PRDM16: variants seen among roughly 807,000 people sequenced by gnomAD.
PRDM16 encodes the protein histone-lysine N-methyltransferase PRDM16.
Under a neutral mutation model 110.6 loss-of-function variants are expected in PRDM16, and 23 were observed. That is an observed-to-expected ratio of 0.21 (90% CI 0.15 to 0.29). PRDM16 has a LOEUF of 0.29. Among genes scored for constraint, PRDM16 ranks in the 10% least tolerant of loss-of-function variants. PRDM16 has a pLI of 1.00. For missense variants in PRDM16, 1,615 were observed against 1,794.3 expected, an observed-to-expected ratio of 0.90 and a Z score of 1.81; for synonymous variants, 799 against 781.8, an observed-to-expected ratio of 1.02 and a Z score of -0.37.
chr1:3,423,420 G>A (rs964545040), intron 12 of PRDM16, among the ~76,000 whole-genome samples: 1 of 152,110 alleles, frequency 6.6e-6, no homozygotes, highest in African/African-American at 2.4e-5. Context: ...TTGATGGCAG[G>A]TCAGACTCCC....
intron 3 of PRDM16, among the ~76,000 whole-genome samples, chr1:3,328,484 G>T (rs545918486): frequency 6.6e-6 from 1 of 152,242 alleles, no homozygotes; most frequent in Admixed American, 6.5e-5. Context: ...TGGCAGCCGG[G>T]GCTCTTAGGA....
chr1:3,232,650 G>C (rs1029730072), intron 2 of PRDM16, among the ~76,000 whole-genome samples: 7 of 152,170 alleles, frequency 4.6e-5, no homozygotes, highest in South Asian at 2.1e-4. Flanking sequence ...AGGGCCAAGG[G>C]GGGTAGTGAC....
intron 1 of PRDM16, among the ~76,000 whole-genome samples, chr1:3,078,249 G>C (rs1421192904): frequency 6.6e-6 from 1 of 152,172 alleles, no homozygotes; most frequent in Non-Finnish European, 1.5e-5. Flanking sequence ...GACCTCTCCA[G>C]CTGCAGGATG....
chr1:3,078,391 G>A (rs572838260), intron 1 of PRDM16, among the ~76,000 whole-genome samples: 110 of 152,306 alleles, frequency 7.2e-4, no homozygotes, highest in Non-Finnish European at 1.3e-3. Flanking sequence ...GTGGTCCCTC[G>A]CCTGGGGGTC....
At chr1:3,131,015 C>T (rs565121279) in intron 1 of PRDM16, among the ~76,000 whole-genome samples, 100 of 152,070 alleles carry the variant, frequency 6.6e-4, no homozygotes, top group Non-Finnish European at 9.7e-4. Context: ...ACGTGCAGAC[C>T]GCGGGAGGGA....
At chr1:3,238,714 G>C (rs574090574) in intron 2 of PRDM16, among the ~76,000 whole-genome samples, 39 of 152,326 alleles carry the variant, frequency 2.6e-4, no homozygotes, top group South Asian at 1.5e-3. Context: ...CTTGGCCGTG[G>C]AGAGAGTCCT....
At chr1:3,212,618 A>C (rs11803063) in intron 2 of PRDM16, among the ~76,000 whole-genome samples, 35,929 of 121,968 alleles carry the variant, frequency 0.29, 7,207 homozygotes, top group African/African-American at 0.63. Flanking sequence ...CCCCTCGCTG[A>C]GGTCCTCCCG....
intron 1 of PRDM16, among the ~76,000 whole-genome samples, chr1:3,126,603 C>T (rs945748848): frequency 2.6e-5 from 4 of 152,142 alleles, no homozygotes. Flanking sequence ...CGTGCTTGAG[C>T]TCTGTGGTGG....
chr1:3,393,480 G>A (rs189206659), intron 4 of PRDM16, among the ~76,000 whole-genome samples: 55 of 152,340 alleles, frequency 3.6e-4, no homozygotes, highest in Admixed American at 1.2e-3. Context: ...AATGTGTAGG[G>A]AGCTGCAGTC....
At chr1:3,170,931 G>A (rs1644018217) in intron 1 of PRDM16, among the ~76,000 whole-genome samples, 1 of 152,288 alleles carries the variant, frequency 6.6e-6, no homozygotes, top group Admixed American at 6.5e-5. Context: ...AGCTCCCAGA[G>A]CTCGGGCTGA....
At chr1:3,154,223 G>A (rs1040213832) in intron 1 of PRDM16, among the ~76,000 whole-genome samples, 7 of 152,138 alleles carry the variant, frequency 4.6e-5, no homozygotes, top group Admixed American at 1.3e-4. Flanking sequence ...ATCCACCACC[G>A]TATCCCTAAG....
intron 4 of PRDM16, 42 bp downstream of exon 4, chr1:3,385,328 T>C (rs768329288): frequency 1.4e-5 from 23 of 1,605,608 alleles, no homozygotes; most frequent in Non-Finnish European, 2.0e-5. Context: ...CTCTTGGAAT[T>C]GTCCCTGAGG....
rs1642652950 is a variant in PRDM16 at position 3,358,472 on chromosome 1, G to A, written c.439-26680G>A. Among the ~76,000 whole-genome samples, 1 of 152,112 alleles carries A rather than the reference G, an allele frequency of 6.6e-6. No homozygotes were observed. The highest frequency in any genetic ancestry group is 2.4e-5 in the African/African-American group (1 of 41,422). On this transcript the variant is annotated intron_variant, in intron 3 of 16. Coordinates refer to ENST00000270722, the MANE Select transcript of PRDM16 (RefSeq NM_022114.4). This position sits in a 1 kb window ranked among gnomAD's most constrained non-coding sequence, Gnocchi z 4.0. ...TGTTGTCTCCAGAGGCAGCCGCTGC[G>A]CCCCAGACTCCCAGCCGCGGCTTCG...
At chr1:3,389,762 T>C (rs1051706346) in intron 4 of PRDM16, among the ~76,000 whole-genome samples, 2 of 152,158 alleles carry the variant, frequency 1.3e-5, no homozygotes, top group East Asian at 1.9e-4. Flanking sequence ...GAGCAAAACA[T>C]CCCTGCACAC....
intron 1 of PRDM16, among the ~76,000 whole-genome samples, chr1:3,147,001 T>G (rs56813547): frequency 1.5e-5 from 1 of 66,742 alleles, no homozygotes; most frequent in Non-Finnish European, 2.8e-5. Context: ...TGTGTGTGCT[T>G]GGTGTGGGGG....
At chr1:3,384,459 C>T (rs1211541363) in intron 3 of PRDM16, among the ~76,000 whole-genome samples, 5 of 152,176 alleles carry the variant, frequency 3.3e-5, no homozygotes, top group Non-Finnish European at 5.9e-5. Flanking sequence ...GTCTCCTCAT[C>T]GGTGGTCCTC....
intron 3 of PRDM16, among the ~76,000 whole-genome samples, chr1:3,250,824 C>G (rs183639371): frequency 1.0e-3 from 153 of 152,290 alleles, no homozygotes; most frequent in African/African-American, 3.7e-3. Context: ...GCCTGGGCTT[C>G]TCTCTGACCC....
intron 3 of PRDM16, among the ~76,000 whole-genome samples, chr1:3,368,319 C>T (rs1266342198): frequency 2.6e-5 from 4 of 152,298 alleles, no homozygotes; most frequent in African/African-American, 4.8e-5. Flanking sequence ...GAGAAGTTTG[C>T]GGGGGTCTTG....
chr1:3,411,401 T>A lies in PRDM16; in HGVS notation c.1204T>A (p.Ser402Thr). ...KPFICEVCHK[S>T]YTQFSNLCRH... ...TGTTTTAGGTGAGGTCTGCCACAAG[T>A]CCTACACGCAGTTCTCCAACCTGTG... The change falls in exon 9 of 17, where the codon TCC (serine) becomes ACC (threonine). Residue 402 changes from serine to threonine, a missense_variant. Around this residue, in one of 5 missense-constraint regions of PRDM16, gnomAD observed 82 missense variants for 144.4 expected, o/e 0.57. Transcript: ENST00000270722. The A allele has an allele frequency of 6.2e-7, 1 of 1,611,110 alleles. No individual in the cohort carries two copies. Among genetic ancestry groups the A allele is most frequent in the Non-Finnish European group, 8.5e-7 (1 of 1,177,530 alleles).
Sources: allele counts gnomAD v4.1 joint callset (sites outside exome capture counted in the v4.1 genomes callset), GRCh38; gene constraint gnomAD v4.1.1; regional missense constraint gnomAD v4.1.1; non-coding constraint Gnocchi (gnomAD v3.1); transcripts MANE v1.5; gene names NCBI Gene and HGNC (gene_info 2026-07-23, HGNC 2026-07-21).